CLASP1: variants seen among roughly 807,000 people sequenced by gnomAD.
The protein encoded by CLASP1 is CLIP-associating protein 1.
A neutral mutation model predicts 192.3 loss-of-function variants in CLASP1; 38 were observed. That is an observed-to-expected ratio of 0.20 (90% CI 0.15 to 0.26). The LOEUF is 0.26. Ranked by LOEUF, CLASP1 falls within the 10% of genes least tolerant of loss-of-function variation. The pLI, the probability that CLASP1 is intolerant of heterozygous loss-of-function variation, is 1.00. For missense variants in CLASP1, 1,433 were observed against 1,932.5 expected, an observed-to-expected ratio of 0.74 and a Z score of 4.85; for synonymous variants, 691 against 712.8, an observed-to-expected ratio of 0.97 and a Z score of 0.49.
chr2:121,373,664 A>G (rs138096842), intron 34 of CLASP1, among the ~76,000 whole-genome samples: 6 of 152,304 alleles, frequency 3.9e-5, no homozygotes, highest in African/African-American at 1.4e-4. Flanking sequence ...AACTGGAGTA[A>G]AGGTCACTCT....
In CLASP1 at chr2:121,510,848, CGAATGAAT is replaced by C. The variant is rs376036638; in HGVS notation, c.644+4809_644+4816del. On this transcript the variant is annotated intron_variant, in intron 7 of 39. Transcript: ENST00000263710. ...TAATTTTAAAAATTAAATAAATGGA[CGAATGAAT>C]GAATGAATGAATGAACCAAGAAAGA... Among the ~76,000 whole-genome samples the C allele has an allele frequency of 7.7e-4, 117 of 151,326 alleles. 1 individual carries two copies. Among genetic ancestry groups the C allele is most frequent in the African/African-American group, 2.4e-3 (101 of 41,322 alleles).
chr2:121,463,940 A>G (rs2088766687), intron 9 of CLASP1, among the ~76,000 whole-genome samples: 1 of 151,178 alleles, frequency 6.6e-6, no homozygotes, highest in Admixed American at 6.6e-5. Context: ...GGTGCGCTGC[A>G]CCCATTAACT....
chr2:121,381,588 G>T (rs72967323), intron 33 of CLASP1, among the ~76,000 whole-genome samples: 1 of 152,114 alleles, frequency 6.6e-6, no homozygotes, highest in Non-Finnish European at 1.5e-5. Flanking sequence ...CCATGATGCC[G>T]CATTCAGCAT....
intron 25 of CLASP1, among the ~76,000 whole-genome samples, chr2:121,406,419 C>A (rs997671258): frequency 1.3e-5 from 2 of 152,110 alleles, no homozygotes; most frequent in African/African-American, 2.4e-5. Context: ...CAAACTAAGA[C>A]TGATAACATT....
intron 2 of CLASP1, among the ~76,000 whole-genome samples, chr2:121,579,864 A>G (rs1228822297): frequency 2.6e-5 from 4 of 152,240 alleles, no homozygotes; most frequent in Non-Finnish European, 5.9e-5. Flanking sequence ...AATTACCACG[A>G]AAAAATAAAC....
chr2:121,362,665 CTCATT>C (rs2066646395), intron 37 of CLASP1, among the ~76,000 whole-genome samples: 1 of 152,196 alleles, frequency 6.6e-6, no homozygotes. Flanking sequence ...CCCTGGTCAT[CTCATT>C]TAATTCTCAT....
intron 2 of CLASP1, among the ~76,000 whole-genome samples, chr2:121,547,349 C>T (rs1307872409): frequency 6.6e-6 from 1 of 152,148 alleles, no homozygotes; most frequent in Admixed American, 6.5e-5. Flanking sequence ...ATCCACACCT[C>T]CAACAAGGAG....
intron 1 of CLASP1, among the ~76,000 whole-genome samples, chr2:121,612,242 A>G (rs1488815880): frequency 6.7e-6 from 1 of 149,468 alleles, no homozygotes; most frequent in Non-Finnish European, 1.5e-5. Flanking sequence ...GAGGAAGAGG[A>G]GCATGAGGAG....
intron 2 of CLASP1, among the ~76,000 whole-genome samples, chr2:121,598,734 C>T (rs948784647): frequency 6.6e-6 from 1 of 152,204 alleles, no homozygotes; most frequent in South Asian, 2.1e-4. Context: ...AGACAGAGAA[C>T]ATACCTGAAA....
chr2:121,515,756 C>T, exon 7 of CLASP1: 1 of 1,613,680 alleles, frequency 6.2e-7, no homozygotes, highest in Non-Finnish European at 8.5e-7. Context: ...ATTGCTGCAT[C>T]TCGAACCTAG....
chr2:121,390,351 A>G (rs1319312178), intron 30 of CLASP1, among the ~76,000 whole-genome samples: 1 of 152,238 alleles, frequency 6.6e-6, no homozygotes, highest in African/African-American at 2.4e-5. Flanking sequence ...TATCTTCGTA[A>G]GAGGCAAGAC....
At chr2:121,500,343 A>AG in intron 8 of CLASP1, among the ~76,000 whole-genome samples, 1 of 125,460 alleles carries the variant, frequency 8.0e-6, no homozygotes, top group East Asian at 2.4e-4. Flanking sequence ...GGAAAGAAAG[A>AG]AAAAGAAAGA....
intron 37 of CLASP1, among the ~76,000 whole-genome samples, chr2:121,360,680 G>A (rs1010071934): frequency 6.6e-6 from 1 of 152,010 alleles, no homozygotes; most frequent in African/African-American, 2.4e-5. Flanking sequence ...TATTATAGTG[G>A]CTCCTGGCAA....
intron 23 of CLASP1, among the ~76,000 whole-genome samples, chr2:121,412,731 A>T (rs2077924800): frequency 6.6e-6 from 1 of 152,216 alleles, no homozygotes; most frequent in Admixed American, 6.5e-5. Flanking sequence ...TGCCATACAG[A>T]GTGACTATAG....
At chr2:121,556,446 C>T (rs1051853060) in intron 2 of CLASP1, among the ~76,000 whole-genome samples, 20 of 152,098 alleles carry the variant, frequency 1.3e-4, no homozygotes, top group African/African-American at 3.9e-4. Context: ...GTGGTCCTGC[C>T]CGCTCCCTTC....
intron 1 of CLASP1, among the ~76,000 whole-genome samples, chr2:121,623,720 A>G (rs2067795376): frequency 6.6e-6 from 1 of 152,038 alleles, no homozygotes; most frequent in Non-Finnish European, 1.5e-5. Flanking sequence ...TTATTGGTCT[A>G]TTTAGATTTT....
chr2:121,641,357 G>C (rs903128108), intron 1 of CLASP1, among the ~76,000 whole-genome samples: 1 of 149,116 alleles, frequency 6.7e-6, no homozygotes, highest in African/African-American at 2.5e-5. Flanking sequence ...AACAGGTATC[G>C]CCCACACCCA....
At chr2:121,530,418 C>G in intron 2 of CLASP1, 93 bp from the exon 3 acceptor site, 1 of 937,196 alleles carries the variant, frequency 1.1e-6, no homozygotes, top group Non-Finnish European at 1.7e-6. Context: ...CATTTCCGGC[C>G]CAGACGCAGT....
At chr2:121,519,558 T>A (rs918298606) in intron 6 of CLASP1, among the ~76,000 whole-genome samples, 13 of 152,202 alleles carry the variant, frequency 8.5e-5, no homozygotes, top group Admixed American at 8.5e-4. Context: ...AATTAAAACA[T>A]TCTGCAGGCA....
Sources: gnomAD v4.1 joint callset for allele counts (sites outside exome capture counted in the v4.1 genomes callset) on GRCh38, gnomAD v4.1.1 for gene constraint, MANE v1.5 for transcripts, NCBI Gene and HGNC (gene_info 2026-07-23, HGNC 2026-07-21) for gene names.